BCAS1: variants seen among roughly 807,000 people sequenced by gnomAD.
BCAS1 encodes the protein breast carcinoma-amplified sequence 1.
BCAS1 carries 46 observed loss-of-function variants against 65.4 expected under a neutral mutation model. That is an observed-to-expected ratio of 0.70 (90% CI 0.55 to 0.90). The LOEUF (loss-of-function observed/expected upper bound fraction) is 0.90. Ranked by LOEUF, BCAS1 falls within the 40% of genes least tolerant of loss-of-function variation. The pLI is 0.00. For missense variants in BCAS1, 793 were observed against 771.2 expected (o/e 1.03, Z -0.33); for synonymous variants, 298 against 293.5 (o/e 1.02, Z -0.16).
intron 4 of BCAS1, among the ~76,000 whole-genome samples, chr20:54,014,747 G>C (rs964785694): frequency 3.9e-5 from 6 of 152,178 alleles, no homozygotes; most frequent in African/African-American, 1.4e-4. Flanking sequence ...GGATAAAAGG[G>C]AAGGCTCTGC....
At chr20:53,950,197 A>G (rs898860819) in intron 12 of BCAS1, among the ~76,000 whole-genome samples, 3 of 151,966 alleles carry the variant, frequency 2.0e-5, no homozygotes, top group Non-Finnish European at 4.4e-5. Flanking sequence ...TCTTACTTCC[A>G]TCATTCTCCC....
intron 4 of BCAS1, 179 bp downstream of exon 4, chr20:54,028,213 T>C: frequency 1.5e-6 from 1 of 657,832 alleles, no homozygotes; most frequent in East Asian, 2.6e-5. Context: ...CACACAGAAG[T>C]TTCTACCCAG....
chr20:53,999,468 G>A (rs760117755), intron 4 of BCAS1, among the ~76,000 whole-genome samples: 1 of 152,186 alleles, frequency 6.6e-6, no homozygotes, highest in Non-Finnish European at 1.5e-5. Context: ...TGCCTAAGTA[G>A]CATTCCTCAC....
intron 1 of BCAS1, among the ~76,000 whole-genome samples, chr20:54,059,953 G>C (rs928081692): frequency 1.3e-5 from 2 of 152,210 alleles, no homozygotes; most frequent in African/African-American, 2.4e-5. Flanking sequence ...TAGGGTTACA[G>C]CTGTAAATTA....
chr20:54,003,454 G>A (rs2091109984), intron 4 of BCAS1, among the ~76,000 whole-genome samples: 1 of 152,082 alleles, frequency 6.6e-6, no homozygotes, highest in South Asian at 2.1e-4. Context: ...TCTGGGTCAG[G>A]CCACCCATGG....
intron 1 of BCAS1, among the ~76,000 whole-genome samples, chr20:54,065,113 C>CATCTATCT (rs5841974): frequency 0.11 from 16,018 of 144,142 alleles, 956 homozygotes; most frequent in African/African-American, 0.12. Flanking sequence ...ATCTATCTAT[C>CATCTATCT]ATCTATCTAT....
intron 1 of BCAS1, among the ~76,000 whole-genome samples, chr20:54,060,254 A>G (rs7268877): frequency 0.046 from 6,948 of 152,346 alleles, 204 homozygotes; most frequent in Middle Eastern, 0.085. Context: ...TGTCTAGCTC[A>G]TGTTAAGCAA....
At chr20:53,953,852 G>A (rs1005771347) in intron 11 of BCAS1, among the ~76,000 whole-genome samples, 157 bp from the exon 12 acceptor site, 4 of 152,088 alleles carry the variant, frequency 2.6e-5, no homozygotes, top group African/African-American at 7.2e-5. Flanking sequence ...GGTAAAATGT[G>A]CACTTATGAA....
intron 3 of BCAS1, among the ~76,000 whole-genome samples, chr20:54,047,365 AG>A (rs2092128348): frequency 6.6e-6 from 1 of 152,256 alleles, no homozygotes; most frequent in Non-Finnish European, 1.5e-5. Flanking sequence ...TGTGAATACC[AG>A]GAAGCATGGG....
chr20:53,955,650 A>G (rs1327256443), intron 11 of BCAS1, among the ~76,000 whole-genome samples: 1 of 152,204 alleles, frequency 6.6e-6, no homozygotes, highest in Non-Finnish European at 1.5e-5. Context: ...TATGGGAGCA[A>G]TAAAAGAAAT....
chr20:54,037,679 C>A (rs1377589790), intron 3 of BCAS1, among the ~76,000 whole-genome samples: 1 of 151,332 alleles, frequency 6.6e-6, no homozygotes, highest in Admixed American at 6.6e-5. Flanking sequence ...TTTTACAGGT[C>A]GTGAAACTGA....
At chr20:54,006,705 ATCT>A in intron 4 of BCAS1, among the ~76,000 whole-genome samples, 1 of 106,488 alleles carries the variant, frequency 9.4e-6, no homozygotes, top group Non-Finnish European at 1.9e-5. Context: ...GTGAGACTCC[ATCT>A]CAAAAAAAAA....
chr20:53,988,732 C>T (rs1175252129), intron 7 of BCAS1, among the ~76,000 whole-genome samples: 66 of 152,168 alleles, frequency 4.3e-4, no homozygotes, highest in Non-Finnish European at 7.3e-5. Context: ...ATGGTACTAT[C>T]AAATGCTACA....
chr20:54,067,248 T>G (rs1412696508), intron 1 of BCAS1, among the ~76,000 whole-genome samples: 1 of 152,148 alleles, frequency 6.6e-6, no homozygotes, highest in Non-Finnish European at 1.5e-5. Flanking sequence ...GGAGGCACAA[T>G]GCCTGTAATC....
intron 3 of BCAS1, among the ~76,000 whole-genome samples, chr20:54,043,274 T>G (rs1168013253): frequency 6.6e-6 from 1 of 151,548 alleles, no homozygotes; most frequent in Non-Finnish European, 1.5e-5. Context: ...TTTCAATGTT[T>G]CATTGCTTGA....
chr20:54,019,897 G>C (rs1443553902), intron 4 of BCAS1, among the ~76,000 whole-genome samples: 2 of 152,100 alleles, frequency 1.3e-5, no homozygotes, highest in Admixed American at 1.3e-4. Flanking sequence ...TGAGGCTTTT[G>C]AACTTCTGCC....
intron 4 of BCAS1, among the ~76,000 whole-genome samples, chr20:54,018,934 T>C (rs1286805775): frequency 6.6e-6 from 1 of 152,182 alleles, no homozygotes. Context: ...TCTGGAAATA[T>C]AGGGCAAAAC....
intron 4 of BCAS1, among the ~76,000 whole-genome samples, chr20:54,007,141 A>G (rs921495634): frequency 1.3e-5 from 2 of 152,180 alleles, no homozygotes; most frequent in African/African-American, 4.8e-5. Context: ...CGTGCTCCCC[A>G]GTGCTCATCA....
chr20:54,046,799 G>T (rs73622297), intron 3 of BCAS1, among the ~76,000 whole-genome samples: 4 of 145,560 alleles, frequency 2.7e-5, no homozygotes, highest in Non-Finnish European at 6.0e-5. Flanking sequence ...AGCCAAGATC[G>T]TGCCACTGCA....
Sources: gnomAD v4.1 joint callset for allele counts (sites outside exome capture counted in the v4.1 genomes callset) on GRCh38, gnomAD v4.1.1 for gene constraint, MANE v1.5 for transcripts, NCBI Gene and HGNC (gene_info 2026-07-23, HGNC 2026-07-21) for gene names.